The following ZNF827 variants were observed in gnomAD, a reference collection of about 807,000 sequenced individuals.
ZNF827 encodes the protein zinc finger protein 827.
A neutral mutation model predicts 102.4 loss-of-function variants in ZNF827; 13 were observed. The observed-to-expected ratio is 0.13, with a 90% CI of 0.08 to 0.20. ZNF827 has a LOEUF of 0.20. Ranked by LOEUF, ZNF827 falls within the 10% of genes least tolerant of loss-of-function variation. ZNF827 has a pLI of 1.00. For missense variants in ZNF827, 1,103 were observed against 1,344.4 expected (o/e 0.82, Z 2.81); for synonymous variants, 523 against 536.2 (o/e 0.98, Z 0.34).
At chr4:145,819,283 C>A (rs1327905013) in intron 8 of ZNF827, among the ~76,000 whole-genome samples, 1 of 152,128 alleles carries the variant, frequency 6.6e-6, no homozygotes, top group Non-Finnish European at 1.5e-5. Flanking sequence ...TCCTTCACAC[C>A]CGCCCTGGTT....
intron 1 of ZNF827, among the ~76,000 whole-genome samples, chr4:145,903,649 C>T (rs761788802): frequency 8.5e-5 from 13 of 152,246 alleles, no homozygotes; most frequent in East Asian, 1.9e-4. Context: ...CAGTGGGAAG[C>T]GCTTCCCTAC....
At chr4:145,858,775 A>G (rs753366566) in intron 5 of ZNF827, among the ~76,000 whole-genome samples, 7 of 152,190 alleles carry the variant, frequency 4.6e-5, no homozygotes, top group Non-Finnish European at 8.8e-5. Flanking sequence ...CCATTGCTTT[A>G]TGCACAGAGG....
chr4:145,859,693 G>A (rs571619545), intron 5 of ZNF827, among the ~76,000 whole-genome samples: 6 of 152,092 alleles, frequency 3.9e-5, no homozygotes, highest in South Asian at 2.1e-4. Context: ...TCTGGTTCTC[G>A]CGTCCTCTCT....
rs561262582 is a variant in ZNF827 at position 145,816,865 on chromosome 4, C to A, written c.2383+6557G>T. On this transcript the variant is annotated intron_variant, in intron 8 of 14. Coordinates refer to ENST00000508784, the MANE Select transcript of ZNF827 (RefSeq NM_001306215.2). ...CAACCTACATGTCATTAGTTTAGGG[C>A]AACCAGTTTGTGTTACAAATAGAAA... is the stretch of plus-strand genomic sequence containing the variant. Among the ~76,000 whole-genome samples the A allele has an allele frequency of 3.9e-5, 6 of 152,284 alleles. No individual in the cohort carries two copies. The South Asian group carries it at 1.2e-3, about 32-fold the overall frequency.
At chr4:145,900,280 A>G (rs546047568) in intron 2 of ZNF827, among the ~76,000 whole-genome samples, 2 of 152,354 alleles carry the variant, frequency 1.3e-5, no homozygotes, top group South Asian at 2.1e-4. Flanking sequence ...TCAATCAACT[A>G]AAGTTTATTA....
intron 8 of ZNF827, among the ~76,000 whole-genome samples, chr4:145,817,732 C>T (rs1742727362): frequency 6.6e-6 from 1 of 152,180 alleles, no homozygotes; most frequent in African/African-American, 2.4e-5. Flanking sequence ...AGGGGATGTG[C>T]AAGGAGCTTG....
At chr4:145,885,235 C>G (rs1457211145) in intron 4 of ZNF827, among the ~76,000 whole-genome samples, 1 of 151,878 alleles carries the variant, frequency 6.6e-6, no homozygotes, top group Admixed American at 6.6e-5. Context: ...GTATATATGT[C>G]CTTTAAAAAT....
intron 4 of ZNF827, chr4:145,876,678 T>A (rs141609077): frequency 6.6e-6 from 1 of 152,328 alleles, no homozygotes; most frequent in African/African-American, 2.4e-5. Context: ...TAAATACATT[T>A]CCCAAATAAC....
intron 5 of ZNF827, among the ~76,000 whole-genome samples, chr4:145,853,896 T>A (rs1160066205): frequency 6.6e-6 from 1 of 151,212 alleles, no homozygotes; most frequent in Non-Finnish European, 1.5e-5. Context: ...GCCTGGGAGG[T>A]CGAGGCTGCA....
intron 3 of ZNF827, among the ~76,000 whole-genome samples, chr4:145,890,196 A>G (rs1426284865): frequency 6.6e-6 from 1 of 152,218 alleles, no homozygotes; most frequent in African/African-American, 2.4e-5. Context: ...GGGACAAGAA[A>G]GAATATACCG....
chr4:145,837,862 T>A (rs1341389000), intron 7 of ZNF827, among the ~76,000 whole-genome samples: 5 of 151,878 alleles, frequency 3.3e-5, no homozygotes, highest in African/African-American at 1.2e-4. Context: ...CCCCACAATA[T>A]CACCCCTTAC....
At chr4:145,929,550 G>C (rs1753658330) in intron 1 of ZNF827, among the ~76,000 whole-genome samples, 1 of 151,804 alleles carries the variant, frequency 6.6e-6, no homozygotes, top group African/African-American at 2.4e-5. Flanking sequence ...AATATTGTTG[G>C]CCTATGAAAC....
intron 8 of ZNF827, among the ~76,000 whole-genome samples, chr4:145,812,916 C>T (rs376349915): frequency 3.9e-5 from 6 of 152,140 alleles, no homozygotes; most frequent in Non-Finnish European, 7.4e-5. Flanking sequence ...CCATTACCCA[C>T]GGTCAACTGC....
chr4:145,788,369 A>G (rs1178709234), intron 8 of ZNF827, among the ~76,000 whole-genome samples: 1 of 152,230 alleles, frequency 6.6e-6, no homozygotes, highest in African/African-American at 2.4e-5. Flanking sequence ...GAACTTGAGC[A>G]CCATAGGGAC....
At chr4:145,865,897 G>A (rs1748141025) in intron 5 of ZNF827, among the ~76,000 whole-genome samples, 1 of 152,198 alleles carries the variant, frequency 6.6e-6, no homozygotes, top group African/African-American at 2.4e-5. Context: ...TTAAAGCCAA[G>A]ACACTCAGTT....
In ZNF827 at chr4:145,933,620, T is replaced by C. The variant is rs529495344; in HGVS notation, c.43+4745A>G. Among the ~76,000 whole-genome samples, 15 of 152,244 alleles carry C rather than the reference T, an allele frequency of 9.9e-5. No homozygotes were observed. The East Asian group carries it at 2.7e-3, about 27-fold the overall frequency. The stretch of plus-strand genomic sequence containing the variant: ...TCTTGACCCACAACTGAGTAAACAA[T>C]GAAAATACTGGAATAACAAAACAAC... On this transcript the variant is annotated intron_variant, in intron 1 of 14. Transcript: ENST00000508784.
chr4:145,892,377 T>C lies in ZNF827; in HGVS notation c.1132A>G (p.Ile378Val), dbSNP rs752368729. The C allele has an allele frequency of 1.1e-5, 17 of 1,614,042 alleles. No individual in the cohort carries two copies. Among genetic ancestry groups the C allele is most frequent in the Admixed American group, 8.3e-5 (5 of 60,004 alleles). ...TTCCTTTTAATAACCAAACCACATA[T>C]TGGACACTGGAAAGGCTTTCCACTT... ...EESGKPFQCP[I>V]CGLVIKRKSY... Residue 378 changes from isoleucine (I) to valine (V), a missense_variant, in exon 3 of 15, where the codon ATA becomes GTA. Physicochemically the swap from Ile to Val is conservative, Grantham distance 29. Transcript: ENST00000508784.
chr4:145,833,379 C>T (rs984025678), intron 7 of ZNF827, among the ~76,000 whole-genome samples: 9 of 152,286 alleles, frequency 5.9e-5, no homozygotes, highest in Admixed American at 3.3e-4. Context: ...TTAATCATTG[C>T]AGGGCTGCCT....
At chr4:145,798,300 G>A (rs555682488) in intron 8 of ZNF827, among the ~76,000 whole-genome samples, 1 of 152,232 alleles carries the variant, frequency 6.6e-6, no homozygotes, top group African/African-American at 2.4e-5. Flanking sequence ...ATGAATATGT[G>A]TGGTTTAGGG....
Sources: allele counts gnomAD v4.1 joint callset (sites outside exome capture counted in the v4.1 genomes callset), GRCh38; gene constraint gnomAD v4.1.1; transcripts MANE v1.5; gene names NCBI Gene and HGNC (gene_info 2026-07-23, HGNC 2026-07-21).